Variants in GARRE1 observed in about 807,000 individuals in gnomAD.
The protein encoded by GARRE1 is granule associated Rac and RHOG effector protein 1.
In GARRE1, 49 loss-of-function variants were observed where a neutral mutation model predicts 103.2. The observed-to-expected ratio is 0.47, with a 90% CI of 0.38 to 0.60. GARRE1 has a LOEUF of 0.60. Ranked by LOEUF, GARRE1 falls within the 20% of genes least tolerant of loss-of-function variation. The probability of loss-of-function intolerance (pLI) is 0.00; values close to 1 mark genes in which losing one functional copy is unlikely to be tolerated. For synonymous variants in GARRE1, 505 were observed against 532.8 expected (o/e 0.95, Z 0.72); for missense variants, 1,199 against 1,370.5 (o/e 0.87, Z 1.98).
chr19:34,280,003 A>AAAAAG lies in GARRE1; in HGVS notation c.-795-19675_-795-19671dup, dbSNP rs1568527427. Among the ~76,000 whole-genome samples, 5 of 147,280 alleles carry AAAAAG rather than the reference A, an allele frequency of 3.4e-5. 1 individual carries two copies. Among genetic ancestry groups the AAAAAG allele is most frequent in the Admixed American group, 6.8e-5 (1 of 14,668 alleles). ...CCGTCTCAAAAAAAAAAAAAAAAAA[A>AAAAAG]AAAAGTGGTTTAATTGGCTGTACAG... is the stretch of plus-strand genomic sequence containing the variant. On this transcript the variant is annotated intron_variant, in intron 1 of 13. Coordinates refer to ENST00000299505, the MANE Select transcript of GARRE1 (RefSeq NM_014686.5).
At chr19:34,337,115 A>G (rs2074164787) in intron 8 of GARRE1, among the ~76,000 whole-genome samples, 1 of 152,044 alleles carries the variant, frequency 6.6e-6, no homozygotes, top group South Asian at 2.1e-4. Context: ...CACAAACAGA[A>G]ATGATTGCTT....
chr19:34,330,092 T>C lies in GARRE1; in HGVS notation c.1105-97T>C, dbSNP rs1274802460. The C allele has an allele frequency of 5.5e-6, 6 of 1,089,104 alleles. No individual in the cohort carries two copies. The African/African-American group carries it at 6.3e-5, about 11-fold the overall frequency. 67.5% of individuals were successfully genotyped at this position (1,089,104 alleles called of 1,614,324 possible). ...AGAAAAATACATAAATAAAATGCTCTTCTCTTGAGGATGATTGTATAAATG... is the reference window on the plus strand; with the variant it reads ...AGAAAAATACATAAATAAAATGCTCCTCTCTTGAGGATGATTGTATAAATG... On this transcript the variant is annotated intron_variant, in intron 6 of 13. Transcript: ENST00000299505.
chr19:34,254,930 G>A (rs1243820543), intron 1 of GARRE1, among the ~76,000 whole-genome samples: 1 of 151,262 alleles, frequency 6.6e-6, no homozygotes, highest in Non-Finnish European at 1.5e-5. Context: ...GCGCCCGTCA[G>A]GCGGGGAAAG....
chr19:34,317,435 C>T (rs2074065009), intron 2 of GARRE1, among the ~76,000 whole-genome samples: 1 of 152,222 alleles, frequency 6.6e-6, no homozygotes, highest in African/African-American at 2.4e-5. Context: ...TTTTCCTCCT[C>T]CTCCAGCTTC....
chr19:34,309,945 G>A (rs982814376), intron 2 of GARRE1, among the ~76,000 whole-genome samples: 2 of 152,120 alleles, frequency 1.3e-5, no homozygotes, highest in African/African-American at 4.8e-5. Flanking sequence ...GGAGAAAATG[G>A]GAACAGAGAA....
intron 1 of GARRE1, among the ~76,000 whole-genome samples, chr19:34,287,136 CAAA>C (rs34541474): frequency 1.4e-4 from 14 of 98,780 alleles, no homozygotes; most frequent in Non-Finnish European, 7.8e-5. Context: ...AAGACTGTCT[CAAA>C]AAAAAAAAAA....
chr19:34,293,881 C>T (rs189680481), intron 1 of GARRE1, among the ~76,000 whole-genome samples: 5 of 150,690 alleles, frequency 3.3e-5, no homozygotes, highest in African/African-American at 1.2e-4. Flanking sequence ...GCCTCAGCCT[C>T]CCGAGTAGCT....
At chr19:34,285,731 C>T (rs10417893) in intron 1 of GARRE1, among the ~76,000 whole-genome samples, 14,759 of 151,798 alleles carry the variant, frequency 0.097, 1,133 homozygotes, top group African/African-American at 0.21. Context: ...CTCTTGACCT[C>T]GTGATCCAGC....
At chr19:34,292,462 A>G (rs1004442311) in intron 1 of GARRE1, among the ~76,000 whole-genome samples, 7 of 152,194 alleles carry the variant, frequency 4.6e-5, no homozygotes, top group Admixed American at 3.9e-4. Flanking sequence ...GTTTGGACAT[A>G]TTTCTTCGTT....
intron 2 of GARRE1, among the ~76,000 whole-genome samples, chr19:34,301,706 G>A (rs887458026): frequency 2.7e-5 from 4 of 147,308 alleles, no homozygotes; most frequent in Admixed American, 6.8e-5. Flanking sequence ...TTTTTGAGAC[G>A]GAGTCCTGCT....
At chr19:34,346,650 CTT>C (rs2074212463) in intron 10 of GARRE1, among the ~76,000 whole-genome samples, 1 of 152,066 alleles carries the variant, frequency 6.6e-6, no homozygotes, top group African/African-American at 2.4e-5. Flanking sequence ...GAGTTTTGCT[CTT>C]GTCACCCAGG....
chr19:34,335,818 G>A (rs888644145), intron 8 of GARRE1, among the ~76,000 whole-genome samples: 21 of 151,904 alleles, frequency 1.4e-4, no homozygotes, highest in African/African-American at 4.1e-4. Context: ...GAGTCACCGC[G>A]CCCGGCTCAT....
chr19:34,300,442 C>T lies in GARRE1; in HGVS notation c.-32C>T, dbSNP rs550377095. On this transcript the variant is annotated 5_prime_UTR_variant, in exon 2 of 14. Coordinates refer to ENST00000299505, the MANE Select transcript of GARRE1 (RefSeq NM_014686.5). ...AAAGAAGAATCAGAACCCTGACCCA[C>T]TTACGGTTGCTGGGACAATTCCCCC... 6.6e-7 allele frequency: 1 copy of T among 1,522,566 alleles called. No homozygotes were observed. Among genetic ancestry groups the T allele is most frequent in the South Asian group, 1.3e-5 (1 of 77,190 alleles). The allele number at this position is 1,522,566 out of a possible 1,614,324, so 94.3% of individuals were successfully genotyped here.
At chr19:34,278,991 T>G (rs563441124) in intron 1 of GARRE1, among the ~76,000 whole-genome samples, 14 of 152,294 alleles carry the variant, frequency 9.2e-5, no homozygotes, top group Admixed American at 7.8e-4. Context: ...TAATACTAAA[T>G]AATAGTCCAT....
intron 2 of GARRE1, among the ~76,000 whole-genome samples, chr19:34,305,960 A>G (rs1408809145): frequency 2.0e-5 from 3 of 152,154 alleles, no homozygotes; most frequent in Non-Finnish European, 4.4e-5. Context: ...GCTGACTTAC[A>G]AGTGAATTTC....
intron 7 of GARRE1, among the ~76,000 whole-genome samples, chr19:34,331,912 AC>A (rs2074139778): frequency 6.6e-6 from 1 of 151,996 alleles, no homozygotes; most frequent in East Asian, 1.9e-4. Flanking sequence ...AATCACTTGA[AC>A]CCAGGAGTCA....
At position 34,300,835 on chromosome 19, in the gene GARRE1, A is replaced by G; in HGVS notation, c.362A>G (p.Gln121Arg). 6.2e-7 allele frequency: 1 copy of G among 1,614,230 alleles called. No homozygotes were observed. Among genetic ancestry groups the G allele is most frequent in the Non-Finnish European group, 8.5e-7 (1 of 1,180,048 alleles). ...GCAGCCACACAGCTCAAAGATGTGCAGGAGCATGTCATGGAAGCAGCCAGT... is the reference window on the plus strand; with the variant it reads ...GCAGCCACACAGCTCAAAGATGTGCGGGAGCATGTCATGGAAGCAGCCAGT... ...SKAATQLKDV[Q>R]EHVMEAASRL... is the part of the protein sequence containing the mutation. Residue 121 changes from glutamine to arginine, a missense_variant, in exon 2 of 14, where the codon CAG (glutamine) becomes CGG (arginine). By Grantham distance (43) the Gln-to-Arg change is conservative (BLOSUM62 1). Transcript: ENST00000299505.
chr19:34,347,888 C>A lies in GARRE1; in HGVS notation c.2533C>A (p.Pro845Thr). The change falls in exon 11 of 14, where the codon CCA (proline) becomes ACA (threonine). Residue 845 changes from proline (P) to threonine (T), a missense_variant. Transcript: ENST00000299505. ...LPFDPAVGSDPEFARYVAGVS... is the reference protein window; with the variant it reads ...LPFDPAVGSDTEFARYVAGVS... ...TTGTCCCAATGCAGTGGGCTCAGAC[C>A]CAGAGTTTGCACGCTATGTGGCAGG... is the stretch of plus-strand genomic sequence containing the variant. The A allele has an allele frequency of 6.4e-7, 1 of 1,561,352 alleles. No homozygotes were observed. Among genetic ancestry groups the A allele is most frequent in the East Asian group, 2.4e-5 (1 of 41,112 alleles).
intron 3 of GARRE1, among the ~76,000 whole-genome samples, chr19:34,322,479 ACATTTCTTGTAGG>A: frequency 6.6e-6 from 1 of 152,072 alleles, no homozygotes; most frequent in South Asian, 2.1e-4. Flanking sequence ...GCCATTAGTG[ACATTTCTTGTAGG>A]CATTTTAATA....
Sources: gnomAD v4.1 joint callset for allele counts (sites outside exome capture counted in the v4.1 genomes callset) on GRCh38, gnomAD v4.1.1 for gene constraint, MANE v1.5 for transcripts, NCBI Gene and HGNC (gene_info 2026-07-23, HGNC 2026-07-21) for gene names.